The following MACO1 variants were observed in gnomAD, a reference collection of about 807,000 sequenced individuals.
MACO1 encodes macoilin 1, also known as macoilin.
A neutral mutation model predicts 78.7 loss-of-function variants in MACO1; 14 were observed. That is an observed-to-expected ratio of 0.18 (90% CI 0.12 to 0.28). The LOEUF is 0.28. Ranked by LOEUF, MACO1 falls within the 10% of genes least tolerant of loss-of-function variation. The pLI is 1.00. For synonymous variants in MACO1, 288 were observed against 291.6 expected (o/e 0.99, Z 0.12); for missense variants, 501 against 799.0 (o/e 0.63, Z 4.50).
intron 5 of MACO1, 138 bp from the exon 6 acceptor site, chr1:25,458,253 A>T: frequency 8.8e-7 from 1 of 1,138,922 alleles, no homozygotes; most frequent in Non-Finnish European, 1.2e-6. Flanking sequence ...TTGCTTCTTG[A>T]TTAGCGTATA....
intron 10 of MACO1, among the ~76,000 whole-genome samples, chr1:25,492,451 T>C (rs1004851311): frequency 3.3e-5 from 5 of 151,116 alleles, no homozygotes; most frequent in African/African-American, 1.2e-4. Context: ...AGAGCAGGAG[T>C]GAGCCGTGTA....
chr1:25,471,467 T>C (rs2043270907), intron 6 of MACO1, among the ~76,000 whole-genome samples: 1 of 152,206 alleles, frequency 6.6e-6, no homozygotes, highest in Non-Finnish European at 1.5e-5. Flanking sequence ...ACTTTCTGCA[T>C]TGTTTATTTC....
At chr1:25,451,048 G>C (rs964617872) in intron 3 of MACO1, among the ~76,000 whole-genome samples, 1 of 142,888 alleles carries the variant, frequency 7.0e-6, no homozygotes, top group African/African-American at 3.0e-5. Context: ...GGGCAGCAGT[G>C]TAGCTAATGT....
At chr1:25,474,527 G>A (rs2043302634) in intron 6 of MACO1, among the ~76,000 whole-genome samples, 1 of 152,148 alleles carries the variant, frequency 6.6e-6, no homozygotes, top group Non-Finnish European at 1.5e-5. Context: ...AATAGGCCAT[G>A]TTGATGGTAC....
chr1:25,459,881 A>G (rs1290578137), intron 6 of MACO1, among the ~76,000 whole-genome samples: 1 of 152,058 alleles, frequency 6.6e-6, no homozygotes, highest in African/African-American at 2.4e-5. Context: ...CTTTCACCTC[A>G]GATCTTTAAT....
At chr1:25,446,993 G>T in intron 2 of MACO1, 90 bp downstream of exon 2, 3 of 1,455,634 alleles carry the variant, frequency 2.1e-6, no homozygotes, top group Non-Finnish European at 1.8e-6. Flanking sequence ...AACTATGTTA[G>T]GATTAGCTAA....
intron 9 of MACO1, among the ~76,000 whole-genome samples, chr1:25,491,145 A>G (rs1356524500): frequency 3.9e-5 from 6 of 152,338 alleles, no homozygotes; most frequent in Non-Finnish European, 8.8e-5. Flanking sequence ...TTAAGCTTAT[A>G]AGAAAAGTGT....
At chr1:25,441,905 T>G (rs760579369) in intron 1 of MACO1, among the ~76,000 whole-genome samples, 6 of 152,248 alleles carry the variant, frequency 3.9e-5, no homozygotes, top group Non-Finnish European at 7.3e-5. Flanking sequence ...AGAAGGACAG[T>G]CAACCATTTG....
chr1:25,450,214 C>T (rs1011834015), intron 3 of MACO1, among the ~76,000 whole-genome samples: 1 of 152,148 alleles, frequency 6.6e-6, no homozygotes, highest in Non-Finnish European at 1.5e-5. Flanking sequence ...GGCAAGAACA[C>T]CTCTGGTTTC....
chr1:25,465,445 C>A (rs1441694795), intron 6 of MACO1, among the ~76,000 whole-genome samples: 1 of 152,274 alleles, frequency 6.6e-6, no homozygotes. Context: ...TAAATCCTGG[C>A]CAGCACTTGG....
chr1:25,482,084 T>A (rs1239333696), intron 6 of MACO1, among the ~76,000 whole-genome samples: 1 of 152,168 alleles, frequency 6.6e-6, no homozygotes, highest in Non-Finnish European at 1.5e-5. Flanking sequence ...ACTTAGTCTT[T>A]GGAGCTGACA....
Position 25,491,449 on chromosome 1 carries a change from G to A in MACO1, c.1657G>A (p.Val553Met). The change falls in exon 10 of 11, where the codon GTG becomes ATG. Residue 553 changes from valine (V) to methionine (M), a missense_variant. Coordinates refer to ENST00000374343, the MANE Select transcript of MACO1 (RefSeq NM_018202.6). ...KYKENEKDTE[V>M]LMSALSAMQD... Reference sequence around the variant, plus strand: ...TAAGGAAAATGAGAAGGACACTGAGGTGTTAATGTCAGCCCTCTCAGCCAT... The same window carrying A: ...TAAGGAAAATGAGAAGGACACTGAGATGTTAATGTCAGCCCTCTCAGCCAT... The A allele has an allele frequency of 3.7e-6, 6 of 1,614,232 alleles. No individual in the cohort carries two copies. The highest frequency in any genetic ancestry group is 2.2e-5 in the East Asian group (1 of 44,892).
At chr1:25,470,982 C>T (rs189869839) in intron 6 of MACO1, among the ~76,000 whole-genome samples, 9 of 151,608 alleles carry the variant, frequency 5.9e-5, no homozygotes, top group Admixed American at 5.9e-4. Flanking sequence ...GAGCCAGGGT[C>T]GCACCTCTGC....
chr1:25,491,882 G>A lies in MACO1; in HGVS notation c.1792+298G>A, dbSNP rs1034016712. 4.6e-5 allele frequency among the ~76,000 whole-genome samples: 7 copies of A among 152,200 alleles called. No homozygotes were observed. The South Asian group carries it at 6.2e-4, about 13-fold the overall frequency. ...TGCAGAGGCATCAAAAGGTGCTTAG[G>A]TATAAGTATATACGGGGCCTGAGGG... On this transcript the variant is annotated intron_variant, in intron 10 of 10. Coordinates refer to ENST00000374343, the MANE Select transcript of MACO1 (RefSeq NM_018202.6).
chr1:25,497,774 A>G (rs1404038693), intron 10 of MACO1, among the ~76,000 whole-genome samples: 1 of 152,084 alleles, frequency 6.6e-6, no homozygotes, highest in East Asian at 1.9e-4. Context: ...ACACTCAGAG[A>G]TAGTCTGTCC....
Position 25,454,468 on chromosome 1 carries a change from G to GTATATATATA in MACO1, c.473+87_473+88insATATATATAT, listed in dbSNP as rs1331624529. ...TGTGTGTGTGTGTGTGTGTGTGTGT[G>GTATATATATA]TGTATATATATATATATATATTTTT... On this transcript the variant is annotated intron_variant, in intron 4 of 10. Coordinates refer to ENST00000374343, the MANE Select transcript of MACO1 (RefSeq NM_018202.6). The GTATATATATA allele has an allele frequency of 3.7e-4, 56 of 153,040 alleles. No homozygotes were observed. In the South Asian group the frequency reaches 3.7e-3, roughly 10 times the overall value. The allele number at this position is 153,040 out of a possible 1,614,324, so 9.5% of individuals were successfully genotyped here. A position where few individuals can be genotyped will look rare whatever the true frequency, so the allele number is the denominator to read the frequency against.
chr1:25,464,021 A>G (rs1315875749), intron 6 of MACO1, among the ~76,000 whole-genome samples: 1 of 129,054 alleles, frequency 7.7e-6, no homozygotes, highest in Non-Finnish European at 1.5e-5. Context: ...CAGTTAGTCC[A>G]CAGTTTACAT....
intron 1 of MACO1, among the ~76,000 whole-genome samples, chr1:25,434,458 T>G (rs1416172465): frequency 6.6e-6 from 1 of 152,202 alleles, no homozygotes; most frequent in Non-Finnish European, 1.5e-5. Context: ...CATGGCTCAT[T>G]GTCTTCAAGG....
chr1:25,453,660 CAAAAAAAAAAA>C, intron 3 of MACO1, among the ~76,000 whole-genome samples: 1 of 69,156 alleles, frequency 1.4e-5, no homozygotes, highest in African/African-American at 5.1e-5. Flanking sequence ...GAGACTCCCT[CAAAAAAAAAAA>C]AAAAAAAAAA....
Sources: allele counts gnomAD v4.1 joint callset (sites outside exome capture counted in the v4.1 genomes callset), GRCh38; gene constraint gnomAD v4.1.1; transcripts MANE v1.5; gene names NCBI Gene and HGNC (gene_info 2026-07-23, HGNC 2026-07-21).